SLC5A3: variants seen among roughly 807,000 people sequenced by gnomAD.
SLC5A3 encodes the protein sodium/myo-inositol cotransporter.
SLC5A3 carries 10 observed loss-of-function variants against 43.2 expected under a neutral mutation model. That is an observed-to-expected ratio of 0.23 (90% confidence interval 0.14 to 0.39). SLC5A3 has a LOEUF of 0.39. Among genes scored for constraint, SLC5A3 ranks in the 10% least tolerant of loss-of-function variants. The pLI, the probability that SLC5A3 is intolerant of heterozygous loss-of-function variation, is 1.00. For missense variants in SLC5A3, 608 were observed against 893.4 expected (o/e 0.68, Z 4.07); for synonymous variants, 349 against 322.0 (o/e 1.08, Z -0.90).
rs1005585902 is a variant in SLC5A3 at position 34,104,132 on chromosome 21, T to G, written c.*6777T>G. 5 of 999,848 alleles carry G rather than the reference T, an allele frequency of 5.0e-6. No individual in the cohort carries two copies. Among genetic ancestry groups the G allele is most frequent in the African/African-American group, 1.7e-5 (1 of 57,240 alleles). The allele number at this position is 999,848 out of a possible 1,614,324, so 61.9% of individuals were successfully genotyped here. A position where few individuals can be genotyped will look rare whatever the true frequency, so the allele number is the denominator to read the frequency against. On this transcript the variant is annotated 3_prime_UTR_variant, in exon 2 of 2. Coordinates refer to ENST00000381151, the MANE Select transcript of SLC5A3 (RefSeq NM_006933.7). ...AGAGATGAAGTTACCTTTATTTTTT[T>G]CCTATACTTGACTGTGCTTCATTTT...
At position 34,098,173 on chromosome 21, in the gene SLC5A3, A is replaced by G; in HGVS notation, c.*818A>G. On this transcript the variant is annotated 3_prime_UTR_variant, in exon 2 of 2. Transcript: ENST00000381151. Reference sequence around the variant, plus strand: ...TATTAAGGTTGTTTATATAGTTTGGAAATGACCAGCCCCCTAAGCAGTGTT... The same window carrying G: ...TATTAAGGTTGTTTATATAGTTTGGGAATGACCAGCCCCCTAAGCAGTGTT... 1.1e-5 allele frequency: 11 copies of G among 1,000,000 alleles called. No homozygotes were observed. The highest frequency in any genetic ancestry group is 1.3e-5 in the Non-Finnish European group (11 of 829,860). 61.9% of individuals were successfully genotyped at this position (1,000,000 alleles called of 1,614,324 possible).
rs995370718 is a variant in SLC5A3 at position 34,096,158 on chromosome 21, C to T, written c.960C>T (p.Ser320=). The change falls in exon 2 of 2, where the codon TCC becomes TCT. Residue 320 remains serine, a synonymous_variant. Transcript: ENST00000381151. The surrounding 1 kb of genome is among the most constrained non-coding windows in gnomAD (Gnocchi z 5.9). Reference sequence around the variant, plus strand: ...TCATAGTTGTCCCAGGAATGATTTCCAGGATACTGTTTACTGATGATATAG... The same window carrying T: ...TCATAGTTGTCCCAGGAATGATTTCTAGGATACTGTTTACTGATGATATAG... ...MFIIVVPGMI[S]RILFTDDIAC... The T allele has an allele frequency of 1.5e-5, 25 of 1,614,006 alleles. No individual in the cohort carries two copies. Among genetic ancestry groups the T allele is most frequent in the Non-Finnish European group, 1.8e-5 (21 of 1,180,008 alleles).
rs1979050167 is a variant in SLC5A3, at chr21:34,097,960, T to C, written c.*605T>C. The stretch of plus-strand genomic sequence containing the variant: ...TAGGTATTTTTGTACCACCAGTATA[T>C]GGAATGTTAGGGAAAAACTTTGTTC... On this transcript the variant is annotated 3_prime_UTR_variant, in exon 2 of 2. Transcript: ENST00000381151. 2 of 996,386 alleles carry C rather than the reference T, an allele frequency of 2.0e-6. No homozygotes were observed. 61.7% of individuals were successfully genotyped at this position (996,386 alleles called of 1,614,324 possible).
intron 1 of SLC5A3, among the ~76,000 whole-genome samples, chr21:34,080,699 TA>T (rs1989439613): frequency 6.6e-6 from 1 of 152,238 alleles, no homozygotes; most frequent in African/African-American, 2.4e-5. Context: ...GAATATGTTT[TA>T]CCTCCTTTGC....
At chr21:34,077,917 A>G (rs1453071818) in intron 1 of SLC5A3, among the ~76,000 whole-genome samples, 1 of 152,204 alleles carries the variant, frequency 6.6e-6, no homozygotes, top group Non-Finnish European at 1.5e-5. Flanking sequence ...TTTGTTCTAG[A>G]GTTCTATTCA....
In SLC5A3 at chr21:34,105,283, CTG is replaced by C; in HGVS notation, c.*7932_*7933del. On this transcript the variant is annotated 3_prime_UTR_variant, in exon 2 of 2. Coordinates refer to ENST00000381151, the MANE Select transcript of SLC5A3 (RefSeq NM_006933.7). ...ACCCATGTTGGCAATCATGTATGAA[CTG>C]TGTTATACTTCTCAGTGCTTTCTTT... 1.0e-6 allele frequency: 1 copy of C among 999,988 alleles called. No homozygotes were observed. Among genetic ancestry groups the C allele is most frequent in the Non-Finnish European group, 1.2e-6 (1 of 829,764 alleles). 61.9% of individuals were successfully genotyped at this position (999,988 alleles called of 1,614,324 possible).
rs748779757 is a variant in SLC5A3 at position 34,099,898 on chromosome 21, A to C, written c.*2543A>C. ...CCAGTAATAGATAATGTGCTCGAGT[A>C]AGTTTGTGAATTGCTGATTGCAACT... On this transcript the variant is annotated 3_prime_UTR_variant, in exon 2 of 2. Coordinates refer to ENST00000381151, the MANE Select transcript of SLC5A3 (RefSeq NM_006933.7). 8.6e-6 allele frequency: 3 copies of C among 347,510 alleles called. No individual in the cohort carries two copies. The highest frequency in any genetic ancestry group is 2.2e-5 in the African/African-American group (1 of 44,674). The allele number at this position is 347,510 out of a possible 1,614,324, so 21.5% of individuals were successfully genotyped here. A position where few individuals can be genotyped will look rare whatever the true frequency, so the allele number is the denominator to read the frequency against.
rs1291692547 is a variant in SLC5A3, at chr21:34,096,780, A to G, written c.1582A>G (p.Ile528Val). The G allele has an allele frequency of 7.4e-6, 12 of 1,613,878 alleles. No homozygotes were observed. Among genetic ancestry groups the G allele is most frequent in the Admixed American group, 1.7e-5 (1 of 59,968 alleles). Residue 528 changes from isoleucine (I) to valine (V), a missense_variant, in exon 2 of 2, where the codon ATT becomes GTT. By Grantham distance (29) the Ile-to-Val change is conservative (BLOSUM62 3). Coordinates refer to ENST00000381151, the MANE Select transcript of SLC5A3 (RefSeq NM_006933.7). The surrounding 1 kb of genome is among the most constrained non-coding windows in gnomAD (Gnocchi z 5.9). ...LFWVTGLITV[I>V]VSLLTPPPTK... is the part of the protein sequence containing the mutation. ...TTGGGTCACGGGACTCATTACTGTA[A>G]TTGTGAGCCTTCTCACACCACCTCC...
chr21:34,101,081 A>G lies in SLC5A3; in HGVS notation c.*3726A>G. 1 of 1,000,128 alleles carries G rather than the reference A, an allele frequency of 1.0e-6. No individual in the cohort carries two copies. Among genetic ancestry groups the G allele is most frequent in the Non-Finnish European group, 1.2e-6 (1 of 829,922 alleles). 62.0% of individuals were successfully genotyped at this position (1,000,128 alleles called of 1,614,324 possible). A position where few individuals can be genotyped will look rare whatever the true frequency, so the allele number is the denominator to read the frequency against. ...AGATGTATACAAGACCTTTCCTGTT[A>G]AATTACGTGACTACAGAGACTTGCC... On this transcript the variant is annotated 3_prime_UTR_variant, in exon 2 of 2. Transcript: ENST00000381151.
At chr21:34,093,113 C>G (rs191276527) in intron 1 of SLC5A3, among the ~76,000 whole-genome samples, 1 of 152,098 alleles carries the variant, frequency 6.6e-6, no homozygotes, top group East Asian at 1.9e-4. Context: ...ATGATTCGTC[C>G]TACATAATGT....
intron 1 of SLC5A3, among the ~76,000 whole-genome samples, chr21:34,087,384 T>G (rs1978445352): frequency 6.6e-6 from 1 of 152,222 alleles, no homozygotes; most frequent in Non-Finnish European, 1.5e-5. Flanking sequence ...AATATTTGAT[T>G]TTTTTATTTA....
intron 1 of SLC5A3, among the ~76,000 whole-genome samples, chr21:34,090,563 G>C (rs2898205): frequency 0.81 from 123,207 of 152,080 alleles, 52,477 homozygotes; most frequent in Non-Finnish European, 0.93. Context: ...TAAATAACTT[G>C]GGAAAATCCT....
chr21:34,103,057 G>C lies in SLC5A3; in HGVS notation c.*5702G>C. The C allele has an allele frequency of 1.0e-6, 1 of 999,984 alleles. No homozygotes were observed. Among genetic ancestry groups the C allele is most frequent in the Non-Finnish European group, 1.2e-6 (1 of 829,864 alleles). 61.9% of individuals were successfully genotyped at this position (999,984 alleles called of 1,614,324 possible). A position where few individuals can be genotyped will look rare whatever the true frequency, so the allele number is the denominator to read the frequency against. ...AACATAGCCTAGACTTCTGTAAGTG[G>C]AATGTTCATTAGTAACTCATCTTTT... On this transcript the variant is annotated 3_prime_UTR_variant, in exon 2 of 2. Transcript: ENST00000381151.
chr21:34,103,600 C>T lies in SLC5A3; in HGVS notation c.*6245C>T, dbSNP rs1979346108. The stretch of plus-strand genomic sequence containing the variant: ...AAAATCGTGTTCACACATTAGTGTA[C>T]CCACACATAGAAAGCACAAGACTAA... On this transcript the variant is annotated 3_prime_UTR_variant, in exon 2 of 2. Coordinates refer to ENST00000381151, the MANE Select transcript of SLC5A3 (RefSeq NM_006933.7). The T allele has an allele frequency of 1.0e-6, 1 of 999,966 alleles. No individual in the cohort carries two copies. Among genetic ancestry groups the T allele is most frequent in the South Asian group, 4.7e-5 (1 of 21,282 alleles). 61.9% of individuals were successfully genotyped at this position (999,966 alleles called of 1,614,324 possible). A position where few individuals can be genotyped will look rare whatever the true frequency, so the allele number is the denominator to read the frequency against.
intron 1 of SLC5A3, among the ~76,000 whole-genome samples, chr21:34,089,689 A>T (rs1279909624): frequency 3.3e-5 from 5 of 152,144 alleles, no homozygotes; most frequent in Admixed American, 3.3e-4. Flanking sequence ...AACTGATAAA[A>T]GTAGAGCTGT....
In SLC5A3 at chr21:34,073,649, C is replaced by G. The variant is rs2148648947; in HGVS notation, c.-433C>G. On this transcript the variant is annotated 5_prime_UTR_variant, in exon 1 of 2. Transcript: ENST00000381151. ...CACTGTCCCCGCCGTCCCGCCCCTT[C>G]GCGTCCCGGGAACCGGCTGGCTTCC... The G allele has an allele frequency of 5.4e-6, 8 of 1,489,378 alleles. No homozygotes were observed. The highest frequency in any genetic ancestry group is 2.0e-4 in the Middle Eastern group (1 of 4,936). 92.3% of individuals were successfully genotyped at this position (1,489,378 alleles called of 1,614,324 possible).
At chr21:34,078,494 A>G (rs574030886) in intron 1 of SLC5A3, among the ~76,000 whole-genome samples, 2 of 152,166 alleles carry the variant, frequency 1.3e-5, no homozygotes, top group East Asian at 1.9e-4. Context: ...TTTTTTCTTA[A>G]TTCATGACTC....
chr21:34,091,487 A>G (rs1978690200), intron 1 of SLC5A3, among the ~76,000 whole-genome samples: 1 of 152,190 alleles, frequency 6.6e-6, no homozygotes, highest in South Asian at 2.1e-4. Flanking sequence ...GGTCATGATA[A>G]CTAATTACAT....
intron 1 of SLC5A3, among the ~76,000 whole-genome samples, chr21:34,094,042 G>A (rs1262815120): frequency 6.6e-6 from 1 of 152,122 alleles, no homozygotes; most frequent in Non-Finnish European, 1.5e-5. Flanking sequence ...AGTCAGTGCC[G>A]TTATCCTCTC....
Sources: gnomAD v4.1 joint callset for allele counts (sites outside exome capture counted in the v4.1 genomes callset) on GRCh38, gnomAD v4.1.1 for gene constraint, Gnocchi (gnomAD v3.1) non-coding constraint, MANE v1.5 for transcripts, NCBI Gene and HGNC (gene_info 2026-07-23, HGNC 2026-07-21) for gene names.